The following CDH4 variants were observed in gnomAD, a reference collection of about 807,000 sequenced individuals.
CDH4 encodes the protein cadherin-4.
CDH4 carries 33 observed loss-of-function variants against 86.0 expected under a neutral mutation model. That is an observed-to-expected ratio of 0.38 (90% CI 0.29 to 0.51). CDH4 has a LOEUF of 0.51. Ranked by LOEUF, CDH4 falls within the 20% of genes least tolerant of loss-of-function variation. The probability of loss-of-function intolerance (pLI) is 0.86; values close to 1 mark genes in which losing one functional copy is unlikely to be tolerated. For missense variants in CDH4, 1,114 were observed against 1,307.4 expected (o/e 0.85, Z 2.28); for synonymous variants, 555 against 549.4 (o/e 1.01, Z -0.14).
In CDH4 at chr20:61,938,241, A is replaced by C. The variant is rs1226594752; in HGVS notation, c.*1298A>C. The C allele has an allele frequency of 2.0e-5, 3 of 152,342 alleles. No homozygotes were observed. Among genetic ancestry groups the C allele is most frequent in the Admixed American group, 1.3e-4 (2 of 15,292 alleles). 9.4% of individuals were successfully genotyped at this position (152,342 alleles called of 1,614,324 possible). On this transcript the variant is annotated 3_prime_UTR_variant, in exon 16 of 16. Coordinates refer to ENST00000614565, the MANE Select transcript of CDH4 (RefSeq NM_001794.5). ...TGCTGTCCTCGAGGCTGGCACTGCT[A>C]TCTCCAGGGCTGGGTTGACTCAAGC... is the stretch of plus-strand genomic sequence containing the variant.
intron 2 of CDH4, among the ~76,000 whole-genome samples, chr20:61,288,973 GA>G (rs11086732): frequency 2.0e-5 from 3 of 151,718 alleles, no homozygotes; most frequent in African/African-American, 4.8e-5. Context: ...ATTAGGGAAG[GA>G]AAAAAAATGT....
intron 2 of CDH4, among the ~76,000 whole-genome samples, chr20:61,547,736 C>T (rs2086099377): frequency 6.6e-6 from 1 of 152,234 alleles, no homozygotes; most frequent in Admixed American, 6.5e-5. Flanking sequence ...CCACCTGAGG[C>T]TGCCTTTCTG....
Position 61,377,593 on chromosome 20 carries a change from T to A in CDH4, c.169+122656T>A, listed in dbSNP as rs1243339062. On this transcript the variant is annotated intron_variant, in intron 2 of 15. Coordinates refer to ENST00000614565, the MANE Select transcript of CDH4 (RefSeq NM_001794.5). This position sits in a 1 kb window ranked among gnomAD's most constrained non-coding sequence, Gnocchi z 4.0. ...ATGGTGCTTTTCTGTAGTCAACGAG[T>A]CGCTTTAGCTTTCAAACAACTGTAG... Among the ~76,000 whole-genome samples, 3 of 151,946 alleles carry A rather than the reference T, an allele frequency of 2.0e-5. No individual in the cohort carries two copies. The highest frequency in any genetic ancestry group is 7.3e-5 in the African/African-American group (3 of 41,336).
chr20:61,621,188 T>C (rs979791013), intron 2 of CDH4, among the ~76,000 whole-genome samples: 3 of 152,192 alleles, frequency 2.0e-5, no homozygotes, highest in Middle Eastern at 3.2e-3. Context: ...GGAGTGTGCA[T>C]GTAAGAAAGT....
intron 2 of CDH4, among the ~76,000 whole-genome samples, chr20:61,578,660 C>T (rs1430120851): frequency 2.0e-5 from 3 of 152,206 alleles, no homozygotes; most frequent in Non-Finnish European, 4.4e-5. Context: ...GCCACCTCTC[C>T]TCCATCTCAT....
chr20:61,877,481 G>T (rs1198869830), intron 7 of CDH4, among the ~76,000 whole-genome samples: 1 of 151,870 alleles, frequency 6.6e-6, no homozygotes. Flanking sequence ...TATGAAGATT[G>T]AGGAACATGA....
chr20:61,755,397 G>GCACACCACA (rs1444487876), intron 3 of CDH4, among the ~76,000 whole-genome samples: 3 of 100,914 alleles, frequency 3.0e-5, no homozygotes, highest in Non-Finnish European at 6.1e-5. Flanking sequence ...CACGCCCCAT[G>GCACACCACA]CACACCACAC....
At chr20:61,936,701 C>A (rs775012078) in intron 15 of CDH4, 36 bp from the exon 16 acceptor site, 1 of 1,455,684 alleles carries the variant, frequency 6.9e-7, no homozygotes, top group African/African-American at 1.5e-5. Flanking sequence ...TGAGACAACG[C>A]GTCCTGCACC....
At chr20:61,338,035 G>A (rs1344139884) in intron 2 of CDH4, among the ~76,000 whole-genome samples, 2 of 152,134 alleles carry the variant, frequency 1.3e-5, no homozygotes, top group South Asian at 2.1e-4. Flanking sequence ...CAATGTTTTA[G>A]TCACAAGGAT....
chr20:61,921,982 GCTT>G (rs2054988116), intron 9 of CDH4, among the ~76,000 whole-genome samples: 1 of 152,126 alleles, frequency 6.6e-6, no homozygotes. Flanking sequence ...TATGTGGGTT[GCTT>G]TTTTGCCCAC....
Position 61,610,597 on chromosome 20 carries a change from C to T in CDH4, c.170-132966C>T, listed in dbSNP as rs141954364. On this transcript the variant is annotated intron_variant, in intron 2 of 15. Coordinates refer to ENST00000614565, the MANE Select transcript of CDH4 (RefSeq NM_001794.5). ...CCGTGCTGTTCTGGAGGCGGTGGTC[C>T]TACCTCATGTTCCCTGCAGCAGCAT... Among the ~76,000 whole-genome samples the T allele has an allele frequency of 4.8e-3, 725 of 152,258 alleles. 5 individuals carry two copies. The highest frequency in any genetic ancestry group is 6.8e-3 in the Middle Eastern group (2 of 294).
At chr20:61,624,938 A>C (rs962796647) in intron 2 of CDH4, among the ~76,000 whole-genome samples, 2 of 152,210 alleles carry the variant, frequency 1.3e-5, no homozygotes, top group African/African-American at 4.8e-5. Context: ...AAACAGATAG[A>C]GCAGTTGACT....
intron 2 of CDH4, among the ~76,000 whole-genome samples, chr20:61,335,434 G>A (rs75162141): frequency 0.044 from 6,637 of 152,298 alleles, 187 homozygotes; most frequent in Middle Eastern, 0.088. Context: ...TGAATAAGTC[G>A]CATCTGGCTT....
At chr20:61,633,248 T>C (rs1263080852) in intron 2 of CDH4, among the ~76,000 whole-genome samples, 1 of 151,252 alleles carries the variant, frequency 6.6e-6, no homozygotes, top group African/African-American at 2.4e-5. Context: ...CATCTATCCA[T>C]CTATTTATTC....
At chr20:61,396,227 G>A (rs921953327) in intron 2 of CDH4, among the ~76,000 whole-genome samples, 1 of 152,132 alleles carries the variant, frequency 6.6e-6, no homozygotes. Flanking sequence ...CCAAACTCAG[G>A]TCGGGGTGGA....
chr20:61,705,717 G>A (rs963613510), intron 2 of CDH4, among the ~76,000 whole-genome samples: 1 of 152,240 alleles, frequency 6.6e-6, no homozygotes, highest in African/African-American at 2.4e-5. Context: ...CTGGAAGCTG[G>A]CAGCTGGCTT....
chr20:61,580,065 C>A (rs914656060), intron 2 of CDH4, among the ~76,000 whole-genome samples: 1 of 151,830 alleles, frequency 6.6e-6, no homozygotes, highest in Admixed American at 6.6e-5. Flanking sequence ...AACGTGCCCT[C>A]ATTGTTTACA....
chr20:61,841,146 G>A (rs941701460), intron 4 of CDH4, among the ~76,000 whole-genome samples: 9 of 152,224 alleles, frequency 5.9e-5, no homozygotes, highest in Admixed American at 5.9e-4. Flanking sequence ...GGCTCTGTGT[G>A]TTCTCCTCAG....
rs143220743 is a variant in CDH4, at chr20:61,378,905, G to A, written c.169+123968G>A. 3.9e-4 allele frequency among the ~76,000 whole-genome samples: 59 copies of A among 152,288 alleles called. No homozygotes were observed. In the East Asian group the frequency reaches 0.011, roughly 28 times the overall value. On this transcript the variant is annotated intron_variant, in intron 2 of 15. Coordinates refer to ENST00000614565, the MANE Select transcript of CDH4 (RefSeq NM_001794.5). The stretch of plus-strand genomic sequence containing the variant: ...TGTAGGATGATGTCATCACAACCAA[G>A]ACATTGACATTAGTCCAGTCCACAG...
Sources: gnomAD v4.1 joint callset for allele counts (sites outside exome capture counted in the v4.1 genomes callset) on GRCh38, gnomAD v4.1.1 for gene constraint, Gnocchi (gnomAD v3.1) non-coding constraint, MANE v1.5 for transcripts, NCBI Gene and HGNC (gene_info 2026-07-23, HGNC 2026-07-21) for gene names.